Variants in KIF2A observed in about 807,000 individuals in gnomAD.
The protein encoded by KIF2A is kinesin family member 2A.
A neutral mutation model predicts 100.2 loss-of-function variants in KIF2A; 22 were observed. That is an observed-to-expected ratio of 0.22 (90% confidence interval 0.16 to 0.31). KIF2A has a LOEUF of 0.31. Among genes scored for constraint, KIF2A ranks in the 10% least tolerant of loss-of-function variants. The pLI is 1.00. For missense variants in KIF2A, 495 were observed against 898.7 expected (o/e 0.55, Z 5.74); for synonymous variants, 268 against 285.9 (o/e 0.94, Z 0.63).
chr5:62,325,868 A>G (rs1746348237), intron 1 of KIF2A, among the ~76,000 whole-genome samples: 2 of 152,244 alleles, frequency 1.3e-5, no homozygotes, highest in Admixed American at 1.3e-4. Flanking sequence ...TATAATAGCA[A>G]AGACATGTAA....
intron 1 of KIF2A, among the ~76,000 whole-genome samples, chr5:62,336,132 A>G (rs1328774591): frequency 6.6e-6 from 1 of 152,206 alleles, no homozygotes; most frequent in Non-Finnish European, 1.5e-5. Flanking sequence ...AAGATCATGG[A>G]TTAGTAATGG....
intron 19 of KIF2A, among the ~76,000 whole-genome samples, chr5:62,380,521 G>A (rs183019350): frequency 1.5e-3 from 224 of 152,172 alleles, no homozygotes; most frequent in Non-Finnish European, 2.4e-3. Flanking sequence ...GGGGGTTAAG[G>A]ATGCTGACCC....
At chr5:62,315,855 G>C (rs943057100) in intron 1 of KIF2A, among the ~76,000 whole-genome samples, 1 of 152,204 alleles carries the variant, frequency 6.6e-6, no homozygotes, top group Non-Finnish European at 1.5e-5. Context: ...CAGTCTAGGA[G>C]GGTGAGCAAT....
intron 16 of KIF2A, among the ~76,000 whole-genome samples, chr5:62,368,150 C>CG (rs1741164036): frequency 6.6e-6 from 1 of 152,094 alleles, no homozygotes. Flanking sequence ...ATTGGCCCCC[C>CG]AAAAGGTTCC....
chr5:62,344,691 T>C (rs1441462159), intron 1 of KIF2A, among the ~76,000 whole-genome samples: 1 of 152,228 alleles, frequency 6.6e-6, no homozygotes, highest in East Asian at 1.9e-4. Flanking sequence ...CATCTTTTAA[T>C]GGCAAACAGT....
At chr5:62,332,280 T>C (rs1318310990) in intron 1 of KIF2A, among the ~76,000 whole-genome samples, 2 of 152,214 alleles carry the variant, frequency 1.3e-5, no homozygotes, top group African/African-American at 4.8e-5. Context: ...GAAATATGAA[T>C]TCCATGTATT....
At chr5:62,351,707 T>G (rs1490293489) in intron 4 of KIF2A, among the ~76,000 whole-genome samples, 1 of 152,208 alleles carries the variant, frequency 6.6e-6, no homozygotes, top group African/African-American at 2.4e-5. Flanking sequence ...TTTTTCCACT[T>G]GTATAATATC....
chr5:62,348,789 A>T (rs577888562), intron 3 of KIF2A, among the ~76,000 whole-genome samples: 2 of 152,330 alleles, frequency 1.3e-5, no homozygotes, highest in African/African-American at 4.8e-5. Flanking sequence ...TAGTATTGCA[A>T]AGTTGTTGAA....
chr5:62,338,581 C>T (rs1235718442), intron 1 of KIF2A, among the ~76,000 whole-genome samples: 30 of 152,116 alleles, frequency 2.0e-4, no homozygotes, highest in Admixed American at 1.9e-3. Context: ...TGAGCCACCA[C>T]ATCTGGCTTA....
intron 5 of KIF2A, 26 bp from the exon 6 acceptor site, chr5:62,353,248 CT>C (rs1335614471): frequency 7.5e-6 from 10 of 1,328,070 alleles, no homozygotes; most frequent in Non-Finnish European, 1.0e-5. Context: ...GAAAACTATA[CT>C]TCTACAGCTC....
chr5:62,340,084 C>T (rs529048163), intron 1 of KIF2A, among the ~76,000 whole-genome samples: 20 of 152,032 alleles, frequency 1.3e-4, no homozygotes, highest in African/African-American at 4.8e-4. Context: ...TACAGGCACG[C>T]ACCACCATGC....
chr5:62,338,165 G>A (rs1373529473), intron 1 of KIF2A, among the ~76,000 whole-genome samples: 4 of 152,144 alleles, frequency 2.6e-5, no homozygotes, highest in Non-Finnish European at 5.9e-5. Flanking sequence ...TATGACACAG[G>A]TAGTATTGCT....
chr5:62,350,410 T>G (rs185060870), intron 4 of KIF2A, among the ~76,000 whole-genome samples: 1 of 152,042 alleles, frequency 6.6e-6, no homozygotes, highest in Non-Finnish European at 1.5e-5. Context: ...CACATGTAGC[T>G]GGGACCACAG....
chr5:62,385,674 A>C lies in KIF2A; in HGVS notation c.*105A>C. ...AGTTTGGAATTTTAAGTGTCTGTGG[A>C]AAATGTTTTGTCCTTCACCTGAATT... is the stretch of plus-strand genomic sequence containing the variant. On this transcript the variant is annotated 3_prime_UTR_variant, in exon 21 of 21. Transcript: ENST00000407818. 1.3e-6 allele frequency: 1 copy of C among 758,286 alleles called. No homozygotes were observed. The highest frequency in any genetic ancestry group is 2.5e-5 in the Admixed American group (1 of 39,870). 47.0% of individuals were successfully genotyped at this position (758,286 alleles called of 1,614,324 possible).
intron 1 of KIF2A, among the ~76,000 whole-genome samples, chr5:62,318,371 G>A (rs547224263): frequency 4.0e-4 from 61 of 152,314 alleles, no homozygotes; most frequent in African/African-American, 1.3e-3. Flanking sequence ...GTGAGCCACT[G>A]CGCCCGGCCA....
At chr5:62,358,822 C>G (rs930091057) in intron 9 of KIF2A, among the ~76,000 whole-genome samples, 2 of 152,210 alleles carry the variant, frequency 1.3e-5, no homozygotes, top group East Asian at 3.9e-4. Flanking sequence ...AGGCATGCAC[C>G]ACCACACCCA....
Position 62,365,327 on chromosome 5 carries a change from A to G in KIF2A, c.1552A>G (p.Ile518Val). The change falls in exon 15 of 21, where the codon ATA (isoleucine) becomes GTA (valine). Residue 518 changes from isoleucine to valine, a missense_variant. Ile to Val is a conservative substitution (Grantham distance 29, BLOSUM62 3). This residue lies in a region of KIF2A where 100 missense variants were observed against 138.2 expected (regional missense o/e 0.72). Coordinates refer to ENST00000407818, the MANE Select transcript of KIF2A (RefSeq NM_001098511.3). ...CACTCAGGTGTTAAGAGATTCTTTC[A>G]TAGGTGAAAACTCTCGTACCTGCAT... ...KLTQVLRDSF[I>V]GENSRTCMIA... 2 of 1,597,862 alleles carry G rather than the reference A, an allele frequency of 1.3e-6. No homozygotes were observed. The highest frequency in any genetic ancestry group is 1.7e-6 in the Non-Finnish European group (2 of 1,168,076).
At chr5:62,346,102 T>G (rs997992247) in intron 1 of KIF2A, among the ~76,000 whole-genome samples, 4 of 152,052 alleles carry the variant, frequency 2.6e-5, no homozygotes, top group African/African-American at 9.7e-5. Context: ...AGGTATTAAA[T>G]AATTTATGAT....
At chr5:62,310,235 G>A (rs1745496891) in intron 1 of KIF2A, among the ~76,000 whole-genome samples, 1 of 151,850 alleles carries the variant, frequency 6.6e-6, no homozygotes, top group African/African-American at 2.4e-5. Context: ...TGTATTTTTA[G>A]TAGTGACAGG....
Sources: allele counts gnomAD v4.1 joint callset (sites outside exome capture counted in the v4.1 genomes callset), GRCh38; gene constraint gnomAD v4.1.1; regional missense constraint gnomAD v4.1.1; transcripts MANE v1.5; gene names NCBI Gene and HGNC (gene_info 2026-07-23, HGNC 2026-07-21).